MED13: variants seen among roughly 807,000 people sequenced by gnomAD.
MED13 encodes the protein mediator complex subunit 13, also known as mediator of RNA polymerase II transcription subunit 13.
Under a neutral mutation model 225.2 loss-of-function variants are expected in MED13, and 23 were observed. That is an observed-to-expected ratio of 0.10 (90% CI 0.07 to 0.14). The LOEUF (loss-of-function observed/expected upper bound fraction) is 0.14. MED13 is among the 10% of genes least tolerant of loss of function. MED13 has a pLI of 1.00. For missense variants in MED13, 2,197 were observed against 2,594.5 expected (o/e 0.85, Z 3.33); for synonymous variants, 942 against 889.2 (o/e 1.06, Z -1.06).
intron 2 of MED13, among the ~76,000 whole-genome samples, chr17:62,054,623 A>G: frequency 6.6e-6 from 1 of 152,182 alleles, no homozygotes; most frequent in Non-Finnish European, 1.5e-5. Context: ...ACAAAAAAAG[A>G]GAAAAGAATC....
intron 8 of MED13, among the ~76,000 whole-genome samples, chr17:62,026,438 T>A (rs1335061173): frequency 7.2e-6 from 1 of 138,572 alleles, no homozygotes. Flanking sequence ...AAGAATGTTA[T>A]AAGAAATTAC....
In MED13 at chr17:61,984,185, T is replaced by C. The variant is rs747043518; in HGVS notation, c.2874A>G (p.Pro958=). ...LELLSSGPSM[P]FIKEGDGSNM... ...ATAAATCATACCCCTCTTTGATGAA[T>C]GGCATTGAAGGCCCTGAAGAAAGCA... Residue 958 remains proline, a synonymous_variant, in exon 15 of 30, where the codon CCA becomes CCG. Transcript: ENST00000397786. 2 of 1,567,856 alleles carry C rather than the reference T, an allele frequency of 1.3e-6. No individual in the cohort carries two copies. The highest frequency in any genetic ancestry group is 2.0e-5 in the Admixed American group (1 of 51,236).
At chr17:62,037,666 CAAAAA>C (rs964038869) in intron 3 of MED13, among the ~76,000 whole-genome samples, 1 of 63,410 alleles carries the variant, frequency 1.6e-5, no homozygotes. Context: ...GACTCCATCT[CAAAAA>C]AAAAAAAAAA....
Position 61,956,784 on chromosome 17 carries a change from C to T in MED13, c.5481-303G>A, listed in dbSNP as rs928481861. On this transcript the variant is annotated intron_variant, in intron 23 of 29. Coordinates refer to ENST00000397786, the MANE Select transcript of MED13 (RefSeq NM_005121.3). ...TCGAGCTCCTGACCTCGTGATCTGC[C>T]TGCCTCGTCCCCTCAAAGTGCTGGA... Among the ~76,000 whole-genome samples, 4 of 152,096 alleles carry T rather than the reference C, an allele frequency of 2.6e-5. No homozygotes were observed. In the South Asian group the frequency reaches 8.3e-4, roughly 32 times the overall value.
intron 26 of MED13, 73 bp downstream of exon 26, chr17:61,955,309 C>T (rs904345351): frequency 1.3e-5 from 16 of 1,232,528 alleles, no homozygotes; most frequent in African/African-American, 1.1e-4. Context: ...AACATTCACA[C>T]GTTTCAGGTA....
At chr17:61,995,964 T>A (rs571259106) in intron 9 of MED13, among the ~76,000 whole-genome samples, 6 of 152,202 alleles carry the variant, frequency 3.9e-5, no homozygotes, top group Non-Finnish European at 8.8e-5. Context: ...CTAATCACAT[T>A]GGCACATCAA....
intron 8 of MED13, among the ~76,000 whole-genome samples, chr17:62,025,934 T>C (rs1380895635): frequency 2.6e-5 from 4 of 152,222 alleles, no homozygotes; most frequent in Admixed American, 2.0e-4. Context: ...CATAAGAATA[T>C]TCAATTTATG....
At chr17:62,062,037 TAC>T (rs1417603219) in intron 2 of MED13, among the ~76,000 whole-genome samples, 1 of 152,148 alleles carries the variant, frequency 6.6e-6, no homozygotes, top group Non-Finnish European at 1.5e-5. Context: ...CAGTTCAAGA[TAC>T]AGACACCTAG....
chr17:62,033,638 G>T, intron 5 of MED13, 149 bp downstream of exon 5: 1 of 716,422 alleles, frequency 1.4e-6, no homozygotes, highest in Non-Finnish European at 2.3e-6. Context: ...CTAAGATGCA[G>T]CCCTTAAGTA....
intron 8 of MED13, among the ~76,000 whole-genome samples, chr17:62,012,644 A>G (rs1287849031): frequency 6.6e-6 from 1 of 151,522 alleles, no homozygotes; most frequent in Non-Finnish European, 1.5e-5. Context: ...AACTTTTAAA[A>G]TGTGGTAAGA....
Position 61,956,191 on chromosome 17 carries a change from G to C in MED13, c.5623+148C>G, listed in dbSNP as rs1269830509. 4 of 752,762 alleles carry C rather than the reference G, an allele frequency of 5.3e-6. No individual in the cohort carries two copies. The East Asian group carries it at 9.0e-5, about 17-fold the overall frequency. The allele number at this position is 752,762 out of a possible 1,614,324, so 46.6% of individuals were successfully genotyped here. A position where few individuals can be genotyped will look rare whatever the true frequency, so the allele number is the denominator to read the frequency against. On this transcript the variant is annotated intron_variant, in intron 24 of 29. Coordinates refer to ENST00000397786, the MANE Select transcript of MED13 (RefSeq NM_005121.3). Reference sequence around the variant, plus strand: ...AGAGTAAAATGTCTTTTTAAAATTTGAATTAAGCCATTTGTGGCCTAGACA... The same window carrying C: ...AGAGTAAAATGTCTTTTTAAAATTTCAATTAAGCCATTTGTGGCCTAGACA...
At chr17:62,040,724 A>C (rs1269420831) in intron 3 of MED13, among the ~76,000 whole-genome samples, 1 of 152,208 alleles carries the variant, frequency 6.6e-6, no homozygotes, top group Non-Finnish European at 1.5e-5. Context: ...AATGGGCAAA[A>C]GACTTCAAAA....
In MED13 at chr17:61,962,615, T is replaced by C. The variant is rs532274034; in HGVS notation, c.5064+137A>G. On this transcript the variant is annotated intron_variant, in intron 21 of 29. Transcript: ENST00000397786. ...TATAAATTCTCTAAGATTTATATTA[T>C]GATATTAAAGTAAAATCAATATAAT... The C allele has an allele frequency of 9.1e-5, 57 of 626,410 alleles. 1 individual carries two copies. In the Middle Eastern group the frequency reaches 1.3e-3, roughly 14 times the overall value. 38.8% of individuals were successfully genotyped at this position (626,410 alleles called of 1,614,324 possible). A position where few individuals can be genotyped will look rare whatever the true frequency, so the allele number is the denominator to read the frequency against.
At position 61,972,587 on chromosome 17, in the gene MED13, A is replaced by G. The variant is rs551189585; in HGVS notation, c.3967+140T>C. ...TGAATGTTGGAAATGGTGGGAAAAA[A>G]AGCTAGGATTGGACCACAGTGGCCT... On this transcript the variant is annotated intron_variant, in intron 17 of 29. Coordinates refer to ENST00000397786, the MANE Select transcript of MED13 (RefSeq NM_005121.3). The G allele has an allele frequency of 2.0e-4, 154 of 754,246 alleles. 1 individual carries two copies. In the African/African-American group the frequency reaches 2.4e-3, roughly 12 times the overall value. 46.7% of individuals were successfully genotyped at this position (754,246 alleles called of 1,614,324 possible).
At chr17:62,043,063 G>T (rs1158829504) in intron 3 of MED13, among the ~76,000 whole-genome samples, 1 of 145,114 alleles carries the variant, frequency 6.9e-6, no homozygotes, top group African/African-American at 2.5e-5. Context: ...GGCTGAGGCA[G>T]GAGAATTGTT....
intron 20 of MED13, among the ~76,000 whole-genome samples, chr17:61,963,999 TAG>T (rs1298818259): frequency 6.6e-6 from 1 of 152,192 alleles, no homozygotes; most frequent in Non-Finnish European, 1.5e-5. Flanking sequence ...CTCAGAAAGT[TAG>T]AGTTTCCCCG....
At chr17:61,964,295 G>A (rs374746418) in intron 20 of MED13, among the ~76,000 whole-genome samples, 90 of 152,290 alleles carry the variant, frequency 5.9e-4, no homozygotes, top group African/African-American at 2.0e-3. Flanking sequence ...ACACTAGGCC[G>A]GGTGCGATAG....
intron 11 of MED13, among the ~76,000 whole-genome samples, chr17:61,990,623 C>CTGTG (rs200169547): frequency 4.1e-5 from 4 of 98,146 alleles, no homozygotes; most frequent in African/African-American, 2.1e-4. Context: ...ACTTGGCGCA[C>CTGTG]TGTGTATATA....
At chr17:62,029,364 A>G in intron 8 of MED13, 177 bp downstream of exon 8, 3 of 581,138 alleles carry the variant, frequency 5.2e-6, no homozygotes, top group Non-Finnish European at 6.1e-6. Context: ...GAAAGCTTAT[A>G]TTTACATGTA....
Sources: allele counts gnomAD v4.1 joint callset (sites outside exome capture counted in the v4.1 genomes callset), GRCh38; gene constraint gnomAD v4.1.1; transcripts MANE v1.5; gene names NCBI Gene and HGNC (gene_info 2026-07-23, HGNC 2026-07-21).